Variants in OTUD7B observed in about 807,000 individuals in gnomAD.
OTUD7B encodes OTU deubiquitinase 7B, also known as OTU domain-containing protein 7B.
A neutral mutation model predicts 82.2 loss-of-function variants in OTUD7B; 34 were observed. The observed-to-expected ratio is 0.41, with a 90% CI of 0.31 to 0.55. The LOEUF (loss-of-function observed/expected upper bound fraction) is 0.55. OTUD7B is among the 20% of genes least tolerant of loss of function. The probability of loss-of-function intolerance (pLI) is 0.20; values close to 1 mark genes in which losing one functional copy is unlikely to be tolerated. For missense variants in OTUD7B, 944 were observed against 1,062.1 expected, an observed-to-expected ratio of 0.89 and a Z score of 1.55; for synonymous variants, 398 against 402.7, an observed-to-expected ratio of 0.99 and a Z score of 0.14.
intron 8 of OTUD7B, 131 bp from the exon 9 acceptor site, chr1:149,949,909 C>A: frequency 7.9e-7 from 1 of 1,273,216 alleles, no homozygotes; most frequent in South Asian, 1.5e-5. Context: ...TCCTAAGAAG[C>A]CCTGTCAACT....
At chr1:150,007,481 T>A (rs112157955) in intron 1 of OTUD7B, among the ~76,000 whole-genome samples, 4 of 152,332 alleles carry the variant, frequency 2.6e-5, no homozygotes, top group African/African-American at 9.6e-5. Flanking sequence ...TTTGCTTTTG[T>A]CTATATGTTG....
chr1:149,967,598 C>T (rs1344066952), intron 3 of OTUD7B, 77 bp from the exon 4 acceptor site: 1 of 1,111,892 alleles, frequency 9.0e-7, no homozygotes, highest in Non-Finnish European at 1.3e-6. Context: ...GTGATAGTTA[C>T]CTCTCAACAG....
At chr1:149,986,258 C>CAT (rs1651132837) in intron 1 of OTUD7B, among the ~76,000 whole-genome samples, 1 of 151,752 alleles carries the variant, frequency 6.6e-6, no homozygotes, top group African/African-American at 2.4e-5. Flanking sequence ...CACACACACA[C>CAT]ACACACACAC....
the OTUD7B span, among the ~76,000 whole-genome samples, chr1:150,041,277 T>C: frequency 1.3e-5 from 2 of 152,192 alleles, no homozygotes; most frequent in Non-Finnish European, 2.9e-5. Context: ...GCTTTTAAAA[T>C]CTTCACTATT....
At chr1:149,981,289 GA>G (rs1192042660) in intron 1 of OTUD7B, among the ~76,000 whole-genome samples, 6 of 152,174 alleles carry the variant, frequency 3.9e-5, no homozygotes, top group African/African-American at 1.4e-4. Flanking sequence ...CCCCATGCAA[GA>G]ATCCTTCTAT....
chr1:150,051,067 A>T, the OTUD7B span, among the ~76,000 whole-genome samples: 1 of 151,852 alleles, frequency 6.6e-6, no homozygotes, highest in African/African-American at 2.4e-5. Flanking sequence ...TGTCTCTACT[A>T]AAAATACAAA....
upstream of OTUD7B, among the ~76,000 whole-genome samples, chr1:150,014,369 A>G (rs1401956265): frequency 7.1e-6 from 1 of 140,350 alleles, no homozygotes; most frequent in African/African-American, 2.7e-5. Flanking sequence ...ACTGCACTCC[A>G]GCCTGGGTGA....
In OTUD7B at chr1:149,944,845, C is replaced by A; in HGVS notation, c.1544G>T (p.Ser515Ile). 6.2e-7 allele frequency: 1 copy of A among 1,614,208 alleles called. No individual in the cohort carries two copies. The highest frequency in any genetic ancestry group is 1.7e-5 in the Admixed American group (1 of 60,024). Residue 515 changes from serine to isoleucine, a missense_variant, in exon 12 of 12, where the codon AGC (serine) becomes ATC (isoleucine). This residue lies in a region of OTUD7B where 412 missense variants were observed against 418.7 expected (regional missense o/e 0.98). Transcript: ENST00000581312. Reference sequence around the variant, plus strand: ...GCCCCCCATGTTCTTCTTGAGCTTGCTGCCCAAGGTTTTGCCAAAGCTGCC... The same window carrying A: ...GCCCCCCATGTTCTTCTTGAGCTTGATGCCCAAGGTTTTGCCAAAGCTGCC... ...KLGSFGKTLG[S>I]KLKKNMGGLM...
At chr1:150,023,670 C>T in the OTUD7B span, among the ~76,000 whole-genome samples, 1 of 152,100 alleles carries the variant, frequency 6.6e-6, no homozygotes, top group Non-Finnish European at 1.5e-5. Flanking sequence ...TCAAAGGATA[C>T]AAAGTTTCAG....
intron 6 of OTUD7B, 111 bp from the exon 7 acceptor site, chr1:149,959,907 G>T (rs1553775328): frequency 4.3e-6 from 3 of 698,520 alleles, no homozygotes; most frequent in Non-Finnish European, 7.7e-6. Flanking sequence ...TTAGCACTTG[G>T]TTTACAAATT....
At chr1:150,039,401 G>A in the OTUD7B span, among the ~76,000 whole-genome samples, 5,526 of 148,914 alleles carry the variant, frequency 0.037, 325 homozygotes, top group African/African-American at 0.13. Context: ...TTTTTGAGAC[G>A]GATTCTCGCT....
intron 1 of OTUD7B, among the ~76,000 whole-genome samples, chr1:150,010,241 C>A (rs1368747582): frequency 6.6e-6 from 1 of 151,816 alleles, no homozygotes; most frequent in East Asian, 1.9e-4. Context: ...ACGCAGGACG[C>A]AGGTGAAAGG....
chr1:149,981,001 T>G (rs1571682815), intron 1 of OTUD7B, among the ~76,000 whole-genome samples: 5 of 104,434 alleles, frequency 4.8e-5, no homozygotes, highest in African/African-American at 1.6e-4. Context: ...GGCAACAGAG[T>G]GAGACCCTGT....
At chr1:150,032,683 G>T in the OTUD7B span, among the ~76,000 whole-genome samples, 5 of 137,692 alleles carry the variant, frequency 3.6e-5, no homozygotes, top group Non-Finnish European at 6.6e-5. Context: ...AGAGGAATAA[G>T]AAGAAGAAGA....
chr1:149,958,747 C>CTT (rs199938808), intron 7 of OTUD7B, among the ~76,000 whole-genome samples: 1,882 of 151,718 alleles, frequency 0.012, 47 homozygotes, highest in African/African-American at 0.043. Flanking sequence ...TGGTTGATGT[C>CTT]TTTTTTTTCT....
rs1178269630 is a variant in OTUD7B, at chr1:149,940,945, T to A, written c.*2912A>T. The A allele has an allele frequency of 2.0e-5, 3 of 151,596 alleles. No homozygotes were observed. The East Asian group carries it at 5.8e-4, about 29-fold the overall frequency. 9.4% of individuals were successfully genotyped at this position (151,596 alleles called of 1,614,324 possible). On this transcript the variant is annotated 3_prime_UTR_variant, in exon 12 of 12. Transcript: ENST00000581312. ...TATCTCCTATAAAAAATATCCATTG[T>A]CTCAGGGTCTCTCATCCTTAGAATG... is the stretch of plus-strand genomic sequence containing the variant.
At chr1:149,983,627 G>A (rs1650939050) in intron 1 of OTUD7B, among the ~76,000 whole-genome samples, 1 of 152,160 alleles carries the variant, frequency 6.6e-6, no homozygotes, top group South Asian at 2.1e-4. Flanking sequence ...GTGGCAGGAA[G>A]GAACATAAAG....
intron 1 of OTUD7B, among the ~76,000 whole-genome samples, chr1:149,984,442 T>G (rs1650996552): frequency 6.6e-6 from 1 of 152,202 alleles, no homozygotes; most frequent in Admixed American, 6.5e-5. Flanking sequence ...TTTGTAGCAT[T>G]TGACACTTAC....
At chr1:149,987,214 C>T (rs1553781042) in intron 1 of OTUD7B, among the ~76,000 whole-genome samples, 1 of 152,212 alleles carries the variant, frequency 6.6e-6, no homozygotes, top group African/African-American at 2.4e-5. Context: ...TTTATCAACC[C>T]AGCCCAGCTG....
Sources: allele counts gnomAD v4.1 joint callset (sites outside exome capture counted in the v4.1 genomes callset), GRCh38; gene constraint gnomAD v4.1.1; regional missense constraint gnomAD v4.1.1; transcripts MANE v1.5; gene names NCBI Gene and HGNC (gene_info 2026-07-23, HGNC 2026-07-21).